Variants in PAIP1 observed in about 807,000 individuals in gnomAD.
PAIP1 encodes the protein poly(A) binding protein interacting protein 1, also known as polyadenylate-binding protein-interacting protein 1.
A neutral mutation model predicts 61.3 loss-of-function variants in PAIP1; 16 were observed. That is an observed-to-expected ratio of 0.26 (90% CI 0.18 to 0.40). The LOEUF is 0.40. Ranked by LOEUF, PAIP1 falls within the 10% of genes least tolerant of loss-of-function variation. The pLI is 1.00. For missense variants in PAIP1, 416 were observed against 600.9 expected (o/e 0.69, Z 3.22); for synonymous variants, 187 against 226.2 (o/e 0.83, Z 1.56).
At chr5:43,553,924 A>G (rs904718392) in intron 2 of PAIP1, among the ~76,000 whole-genome samples, 4 of 152,244 alleles carry the variant, frequency 2.6e-5, no homozygotes, top group African/African-American at 4.8e-5. Context: ...CAAGTTTCTA[A>G]TATCTAATTT....
chr5:43,557,011 A>G lies in PAIP1; in HGVS notation c.-165T>C, dbSNP rs1748127176. On this transcript the variant is annotated 5_prime_UTR_variant, in exon 1 of 11. Coordinates refer to ENST00000306846, the MANE Select transcript of PAIP1 (RefSeq NM_006451.5). ...CTCGGCTGCTCGGTGCTTCTGGCGG[A>G]GCGGACGGCAGCCCGAGCACCCGCC... 4.3e-6 allele frequency: 5 copies of G among 1,175,328 alleles called. No homozygotes were observed. The highest frequency in any genetic ancestry group is 5.4e-6 in the Non-Finnish European group (5 of 932,820). 72.8% of individuals were successfully genotyped at this position (1,175,328 alleles called of 1,614,324 possible).
intron 5 of PAIP1, among the ~76,000 whole-genome samples, 183 bp from the exon 6 acceptor site, chr5:43,537,127 A>G (rs980496791): frequency 1.3e-5 from 2 of 152,246 alleles, no homozygotes; most frequent in Non-Finnish European, 2.9e-5. Flanking sequence ...GACCTCTAAT[A>G]AAACTGGTAA....
chr5:43,553,266 G>C (rs1747933614), intron 2 of PAIP1, among the ~76,000 whole-genome samples: 1 of 152,142 alleles, frequency 6.6e-6, no homozygotes, highest in African/African-American at 2.4e-5. Context: ...TCTAGCAGCA[G>C]GATTAGAGGA....
chr5:43,547,961 A>C, intron 2 of PAIP1, 48 bp from the exon 3 acceptor site: 1 of 1,244,518 alleles, frequency 8.0e-7, no homozygotes, highest in Non-Finnish European at 1.2e-6. Flanking sequence ...CAACTGGCTA[A>C]AACACACAAG....
chr5:43,556,589 C>T lies in PAIP1; in HGVS notation c.258G>A (p.Ala86=). The T allele has an allele frequency of 1.6e-6, 2 of 1,251,858 alleles. No individual in the cohort carries two copies. Among genetic ancestry groups the T allele is most frequent in the Non-Finnish European group, 2.0e-6 (2 of 993,834 alleles). The allele number at this position is 1,251,858 out of a possible 1,614,324, so 77.5% of individuals were successfully genotyped here. ...ASPQRPSRPG[A]LPEQTRPLRA... Reference sequence around the variant, plus strand: ...CTTAGAGCTGCTCCGTACCTGGGAGCGCCCCGGGCCGGGAAGGCCGCTGGG... The same window carrying T: ...CTTAGAGCTGCTCCGTACCTGGGAGTGCCCCGGGCCGGGAAGGCCGCTGGG... Residue 86 remains alanine, a synonymous_variant, in exon 1 of 11, where the codon GCG becomes GCA. Transcript: ENST00000306846.
intron 9 of PAIP1, among the ~76,000 whole-genome samples, chr5:43,531,937 G>GA (rs1354396949): frequency 4.6e-5 from 7 of 151,940 alleles, no homozygotes; most frequent in African/African-American, 1.4e-4. Flanking sequence ...AGAATGATGA[G>GA]AAAAAATAAC....
intron 4 of PAIP1, among the ~76,000 whole-genome samples, chr5:43,540,712 C>G (rs948219668): frequency 6.6e-6 from 1 of 152,162 alleles, no homozygotes; most frequent in African/African-American, 2.4e-5. Flanking sequence ...TAGTATTTCT[C>G]TACATTATTA....
intron 1 of PAIP1, 94 bp downstream of exon 1, chr5:43,556,488 G>T (rs868670214): frequency 3.3e-6 from 4 of 1,205,388 alleles, no homozygotes; most frequent in Non-Finnish European, 4.2e-6. Flanking sequence ...CCGGGGGTGG[G>T]GACCGCAGAC....
At chr5:43,533,715 G>A in intron 9 of PAIP1, 23 bp downstream of exon 9, 1 of 1,466,726 alleles carries the variant, frequency 6.8e-7, no homozygotes, top group South Asian at 1.1e-5. Flanking sequence ...CTGGGAGGAG[G>A]GAATGACTGT....
intron 9 of PAIP1, among the ~76,000 whole-genome samples, chr5:43,532,406 G>A (rs1222400416): frequency 1.3e-5 from 2 of 152,010 alleles, no homozygotes; most frequent in African/African-American, 4.8e-5. Flanking sequence ...ACAACAAAGG[G>A]GGCTTATTAT....
intron 3 of PAIP1, among the ~76,000 whole-genome samples, chr5:43,544,763 A>G (rs1228285755): frequency 6.6e-6 from 1 of 152,182 alleles, no homozygotes; most frequent in African/African-American, 2.4e-5. Context: ...TAATTTATTC[A>G]GCATCCCCAA....
In PAIP1 at chr5:43,526,683, T is replaced by C. The variant is rs1746721981; in HGVS notation, c.*693A>G. ...GCCATATAAATAAAGCAGAATAATG[T>C]TCTAGCCTTTAAGGTAATGAAGTTA... On this transcript the variant is annotated 3_prime_UTR_variant, in exon 11 of 11. Coordinates refer to ENST00000306846, the MANE Select transcript of PAIP1 (RefSeq NM_006451.5). The C allele has an allele frequency of 7.3e-6, 1 of 136,562 alleles. No individual in the cohort carries two copies. The allele number at this position is 136,562 out of a possible 1,614,324, so 8.5% of individuals were successfully genotyped here.
intron 8 of PAIP1, 50 bp downstream of exon 8, chr5:43,534,803 A>G: frequency 4.0e-6 from 4 of 995,206 alleles, no homozygotes; most frequent in Non-Finnish European, 6.5e-6. Context: ...CTAATTTCCA[A>G]AACGGAATTC....
At chr5:43,539,116 G>T in intron 4 of PAIP1, 81 bp from the exon 5 acceptor site, 6 of 881,298 alleles carry the variant, frequency 6.8e-6, no homozygotes, top group Non-Finnish European at 1.1e-5. Context: ...TGTCAGTTTG[G>T]TTGTCCACAG....
intron 3 of PAIP1, among the ~76,000 whole-genome samples, chr5:43,546,707 G>A (rs981585816): frequency 1.3e-5 from 2 of 151,968 alleles, no homozygotes; most frequent in Non-Finnish European, 2.9e-5. Flanking sequence ...GAAATTTTGT[G>A]TTAAGCCAGT....
At chr5:43,552,526 T>C (rs929349088) in intron 2 of PAIP1, among the ~76,000 whole-genome samples, 1 of 152,152 alleles carries the variant, frequency 6.6e-6, no homozygotes, top group African/African-American at 2.4e-5. Context: ...CCAACTGTCA[T>C]CTGAGGGGAA....
rs72758673 is a variant in PAIP1 at position 43,536,304 on chromosome 5, T to C, written c.972+515A>G. On this transcript the variant is annotated intron_variant, in intron 6 of 10. Coordinates refer to ENST00000306846, the MANE Select transcript of PAIP1 (RefSeq NM_006451.5). ...TTTAACCTACAAAAGTATCTGCACA[T>C]ATATATGACAAGAGGAAAGATTACA... is the stretch of plus-strand genomic sequence containing the variant. 3.5e-3 allele frequency among the ~76,000 whole-genome samples: 539 copies of C among 152,284 alleles called. 4 individuals carry two copies. The highest frequency in any genetic ancestry group is 6.7e-3 in the Non-Finnish European group (453 of 68,012).
chr5:43,550,466 T>C lies in PAIP1; in HGVS notation c.436-2553A>G, dbSNP rs565039129. Among the ~76,000 whole-genome samples, 14 of 152,144 alleles carry C rather than the reference T, an allele frequency of 9.2e-5. No individual in the cohort carries two copies. The South Asian group carries it at 2.1e-3, about 23-fold the overall frequency. ...AAGTATAAAAAGCATCCAAAATGAA[T>C]GATAAAAAGCTGTATTTCTTGGCAC... On this transcript the variant is annotated intron_variant, in intron 2 of 10. Transcript: ENST00000306846.
Position 43,535,746 on chromosome 5 carries a change from G to C in PAIP1, c.973-106C>G, listed in dbSNP as rs934112579. 31 of 660,780 alleles carry C rather than the reference G, an allele frequency of 4.7e-5. No individual in the cohort carries two copies. In the South Asian group the frequency reaches 5.3e-4, roughly 11 times the overall value. 40.9% of individuals were successfully genotyped at this position (660,780 alleles called of 1,614,324 possible). A position where few individuals can be genotyped will look rare whatever the true frequency, so the allele number is the denominator to read the frequency against. On this transcript the variant is annotated intron_variant, in intron 6 of 10. Coordinates refer to ENST00000306846, the MANE Select transcript of PAIP1 (RefSeq NM_006451.5). ...GCATTCTCTAAACAAGATGAATTTA[G>C]CAAGTTTAATATTCCTAATTATTCT... is the stretch of plus-strand genomic sequence containing the variant.
Sources: gnomAD v4.1 joint callset for allele counts (sites outside exome capture counted in the v4.1 genomes callset) on GRCh38, gnomAD v4.1.1 for gene constraint, MANE v1.5 for transcripts, NCBI Gene and HGNC (gene_info 2026-07-23, HGNC 2026-07-21) for gene names.